CFAP61: variants seen among roughly 807,000 people sequenced by gnomAD.
CFAP61 encodes cilia and flagella associated protein 61.
A neutral mutation model predicts 135.6 loss-of-function variants in CFAP61; 107 were observed. The observed-to-expected ratio is 0.79, with a 90% confidence interval of 0.67 to 0.93. The LOEUF is 0.93. CFAP61 is among the 40% of genes least tolerant of loss of function. The probability of loss-of-function intolerance (pLI) is 0.00; values close to 1 mark genes in which losing one functional copy is unlikely to be tolerated. For synonymous variants in CFAP61, 575 were observed against 578.5 expected, an observed-to-expected ratio of 0.99 and a Z score of 0.09; for missense variants, 1,507 against 1,556.2, an observed-to-expected ratio of 0.97 and a Z score of 0.53.
intron 8 of CFAP61, among the ~76,000 whole-genome samples, chr20:20,122,063 C>T (rs1046591671): frequency 6.6e-6 from 1 of 152,014 alleles, no homozygotes; most frequent in African/African-American, 2.4e-5. Flanking sequence ...AGGCAGTATA[C>T]ATTGTACTCT....
chr20:20,338,689 T>C (rs1450404145), intron 25 of CFAP61, among the ~76,000 whole-genome samples: 1 of 152,226 alleles, frequency 6.6e-6, no homozygotes, highest in East Asian at 1.9e-4. Flanking sequence ...TTGGACTTTT[T>C]CCTACAATTT....
chr20:20,255,695 C>G (rs531982206), intron 20 of CFAP61, among the ~76,000 whole-genome samples: 5 of 152,228 alleles, frequency 3.3e-5, no homozygotes, highest in African/African-American at 1.2e-4. Flanking sequence ...TTGACAGCAC[C>G]TACTATATAG....
chr20:20,209,129 A>G (rs928802902), intron 17 of CFAP61, among the ~76,000 whole-genome samples: 10 of 151,978 alleles, frequency 6.6e-5, no homozygotes, highest in Admixed American at 6.6e-5. Flanking sequence ...TGTAGCATCT[A>G]TTTTCTTCAT....
intron 21 of CFAP61, among the ~76,000 whole-genome samples, chr20:20,272,489 C>A (rs2053437689): frequency 6.6e-6 from 1 of 151,940 alleles, no homozygotes; most frequent in South Asian, 2.1e-4. Context: ...TGTCATAGGC[C>A]CCCCATAACT....
intron 16 of CFAP61, 103 bp from the exon 17 acceptor site, chr20:20,199,665 C>G: frequency 7.7e-7 from 1 of 1,302,194 alleles, no homozygotes; most frequent in South Asian, 1.5e-5. Flanking sequence ...TCCTCTCTGA[C>G]TTGGCCGAGT....
chr20:20,213,438 A>G (rs2047811112), intron 17 of CFAP61, among the ~76,000 whole-genome samples: 1 of 152,106 alleles, frequency 6.6e-6, no homozygotes, highest in East Asian at 1.9e-4. Context: ...GGCTCAGAAC[A>G]TGAATTTAGA....
chr20:20,298,148 ATGT>A (rs2055785680), intron 24 of CFAP61, 30 bp from the exon 25 acceptor site: 2 of 1,457,292 alleles, frequency 1.4e-6, no homozygotes, highest in Non-Finnish European at 1.9e-6. Flanking sequence ...AATGTTTCTA[ATGT>A]TGTTTTTCTT....
At chr20:20,146,382 A>G (rs2051887535) in intron 9 of CFAP61, among the ~76,000 whole-genome samples, 2 of 152,360 alleles carry the variant, frequency 1.3e-5, no homozygotes, top group Middle Eastern at 3.4e-3. Flanking sequence ...TTAGTAATAG[A>G]TGGAAGACAT....
rs145269261 is a variant in CFAP61, at chr20:20,224,718, T to G, written c.1933-3531T>G. On this transcript the variant is annotated intron_variant, in intron 17 of 26. Transcript: ENST00000245957. Reference sequence around the variant, plus strand: ...AAACAAATAATAATAATAATCTCTTTGTCTAAAATGCTAACCTAATGCCAT... The same window carrying G: ...AAACAAATAATAATAATAATCTCTTGGTCTAAAATGCTAACCTAATGCCAT... 3.2e-3 allele frequency among the ~76,000 whole-genome samples: 486 copies of G among 152,290 alleles called. 2 individuals are homozygous for G. Among genetic ancestry groups the G allele is most frequent in the Admixed American group, 5.8e-3 (89 of 15,300 alleles).
At chr20:20,287,162 GT>G (rs1398502444) in intron 22 of CFAP61, among the ~76,000 whole-genome samples, 1 of 151,572 alleles carries the variant, frequency 6.6e-6, no homozygotes, top group Non-Finnish European at 1.5e-5. Flanking sequence ...ATATTTTCCT[GT>G]GGCCACTGGG....
At chr20:20,314,064 C>T (rs1425290000) in intron 25 of CFAP61, among the ~76,000 whole-genome samples, 2 of 152,042 alleles carry the variant, frequency 1.3e-5, no homozygotes, top group African/African-American at 2.4e-5. Context: ...GGCCCCACCT[C>T]CCAACACTGC....
chr20:20,353,511 T>C (rs2058927643), intron 26 of CFAP61, among the ~76,000 whole-genome samples: 1 of 152,232 alleles, frequency 6.6e-6, no homozygotes, highest in Non-Finnish European at 1.5e-5. Flanking sequence ...CTTAAATGTA[T>C]CATAGCCCAC....
chr20:20,276,379 T>C (rs1199097856), intron 21 of CFAP61, among the ~76,000 whole-genome samples: 4 of 152,236 alleles, frequency 2.6e-5, no homozygotes, highest in Non-Finnish European at 5.9e-5. Flanking sequence ...CAATTCAATG[T>C]CAAAAATAGC....
intron 26 of CFAP61, among the ~76,000 whole-genome samples, chr20:20,343,466 C>T (rs6137002): frequency 0.062 from 9,372 of 152,176 alleles, 426 homozygotes; most frequent in East Asian, 0.21. Context: ...GGCTGAATGC[C>T]CAAGTCAGAG....
At chr20:20,156,017 A>C (rs1320502007) in intron 9 of CFAP61, among the ~76,000 whole-genome samples, 1 of 152,186 alleles carries the variant, frequency 6.6e-6, no homozygotes, top group Non-Finnish European at 1.5e-5. Context: ...ATGGAACCAG[A>C]CTAAATGCCA....
chr20:20,078,388 C>T (rs556101733), intron 6 of CFAP61, among the ~76,000 whole-genome samples: 3 of 152,070 alleles, frequency 2.0e-5, no homozygotes, highest in South Asian at 2.1e-4. Flanking sequence ...TAGAGAGTAG[C>T]GCTTGGCTAC....
chr20:20,322,613 G>A (rs1011966248), intron 25 of CFAP61: 2 of 817,532 alleles, frequency 2.4e-6, no homozygotes, highest in Non-Finnish European at 3.0e-6. Flanking sequence ...TATTTGCCGT[G>A]GTAAATGGTA....
chr20:20,262,863 A>C, intron 20 of CFAP61, 93 bp from the exon 21 acceptor site: 1 of 593,808 alleles, frequency 1.7e-6, no homozygotes, highest in Non-Finnish European at 2.7e-6. Flanking sequence ...AAAAAGACAT[A>C]CTGAATATTG....
intron 24 of CFAP61, among the ~76,000 whole-genome samples, chr20:20,295,067 A>G (rs1450956175): frequency 6.6e-6 from 1 of 152,136 alleles, no homozygotes; most frequent in African/African-American, 2.4e-5. Flanking sequence ...ATTTAAGGCC[A>G]CAAAACGCTC....
Sources: gnomAD v4.1 joint callset for allele counts (sites outside exome capture counted in the v4.1 genomes callset) on GRCh38, gnomAD v4.1.1 for gene constraint, MANE v1.5 for transcripts, NCBI Gene and HGNC (gene_info 2026-07-23, HGNC 2026-07-21) for gene names.